Variants in PSD2 observed in about 807,000 individuals in gnomAD.
The protein encoded by PSD2 is PH and SEC7 domain-containing protein 2.
PSD2 carries 38 observed loss-of-function variants against 69.8 expected under a neutral mutation model. The ratio of observed to expected loss-of-function variants is 0.54; its 90% CI spans 0.42 to 0.71. The LOEUF (loss-of-function observed/expected upper bound fraction) is 0.71. Ranked by LOEUF, PSD2 falls within the 30% of genes least tolerant of loss-of-function variation. The probability of loss-of-function intolerance (pLI) is 0.00; values close to 1 mark genes in which losing one functional copy is unlikely to be tolerated. For synonymous variants in PSD2, 412 were observed against 423.0 expected, an observed-to-expected ratio of 0.97 and a Z score of 0.32; for missense variants, 943 against 1,014.5, an observed-to-expected ratio of 0.93 and a Z score of 0.96.
At position 139,813,455 on chromosome 5, in the gene PSD2, G is replaced by A. The variant is rs1384632312; in HGVS notation, c.518G>A (p.Cys173Tyr). ...AGCCTCACGGATGAGAGCGACAGCT[G>A]CGTCAGCTTCGAGGCCCCCCTCACA... ...GLSLTDESDS[C>Y]VSFEAPLTPL... is the part of the protein sequence containing the mutation. Residue 173 changes from cysteine to tyrosine, a missense_variant, in exon 3 of 15, where the codon TGC (cysteine) becomes TAC (tyrosine). This residue lies in a region of PSD2 where 466 missense variants were observed against 445.0 expected (regional missense o/e 1.05). Transcript: ENST00000274710. The A allele has an allele frequency of 6.2e-7, 1 of 1,614,048 alleles. No homozygotes were observed. The highest frequency in any genetic ancestry group is 1.7e-5 in the Admixed American group (1 of 60,026).
the PSD2 span, among the ~76,000 whole-genome samples, chr5:139,784,957 G>A: frequency 1.3e-5 from 2 of 151,850 alleles, no homozygotes; most frequent in Non-Finnish European, 2.9e-5. Context: ...CAGGGTTTTA[G>A]CATGTTGGCC....
the PSD2 span, among the ~76,000 whole-genome samples, chr5:139,748,302 C>A: frequency 6.6e-6 from 1 of 152,038 alleles, no homozygotes; most frequent in Non-Finnish European, 1.5e-5. Context: ...AGAGCCCCAA[C>A]TCTCTTCTCC....
intron 1 of PSD2, among the ~76,000 whole-genome samples, chr5:139,804,059 G>A (rs777727360): frequency 1.3e-5 from 2 of 152,194 alleles, no homozygotes; most frequent in Non-Finnish European, 2.9e-5. Flanking sequence ...TGTGGGCATC[G>A]CTGTTCAGGG....
At chr5:139,834,067 C>T (rs1760656722) in intron 8 of PSD2, among the ~76,000 whole-genome samples, 1 of 152,192 alleles carries the variant, frequency 6.6e-6, no homozygotes. Flanking sequence ...GTCACAGCTG[C>T]CACCCACCAC....
chr5:139,751,882 C>T, the PSD2 span, among the ~76,000 whole-genome samples: 1 of 151,348 alleles, frequency 6.6e-6, no homozygotes, highest in African/African-American at 2.4e-5. Context: ...CAGCCTCAAC[C>T]TTCTAGACTC....
the PSD2 span, among the ~76,000 whole-genome samples, chr5:139,760,504 C>T: frequency 6.6e-6 from 1 of 152,202 alleles, no homozygotes; most frequent in African/African-American, 2.4e-5. Context: ...AAACCTGGCT[C>T]CTGGTGCCAC....
chr5:139,792,437 C>G (rs1022380492), upstream of PSD2, among the ~76,000 whole-genome samples: 1 of 152,150 alleles, frequency 6.6e-6, no homozygotes, highest in African/African-American at 2.4e-5. Flanking sequence ...CCCCTCCCCC[C>G]ATAACTTTCA....
At position 139,814,364 on chromosome 5, in the gene PSD2, A is replaced by G. The variant is rs753960489; in HGVS notation, c.1016A>G (p.Asn339Ser). 5.6e-6 allele frequency: 9 copies of G among 1,596,942 alleles called. No homozygotes were observed. The highest frequency in any genetic ancestry group is 7.7e-6 in the Non-Finnish European group (9 of 1,171,406). Residue 339 changes from asparagine (N) to serine (S), a missense_variant and splice_region_variant, in exon 4 of 15, where the codon AAC (asparagine) becomes AGC (serine). Asn to Ser is a conservative substitution (Grantham distance 46). Coordinates refer to ENST00000274710, the MANE Select transcript of PSD2 (RefSeq NM_032289.4). The surrounding 1 kb of genome is among the most constrained non-coding windows in gnomAD (Gnocchi z 4.4). ...RCDVARQLGK[N>S]NEFSRLVAGE... is the part of the protein sequence containing the mutation. ...GATGTGGCCCGGCAGCTGGGCAAGA[A>G]GTGAGTGTGAGCTCCCCTGCCCCCA...
chr5:139,817,233 C>T lies in PSD2; in HGVS notation c.1017-248C>T, dbSNP rs143308343. Among the ~76,000 whole-genome samples, 463 of 152,336 alleles carry T rather than the reference C, an allele frequency of 3.0e-3. 2 individuals are homozygous for T. The highest frequency in any genetic ancestry group is 0.017 in the Middle Eastern group (5 of 294). On this transcript the variant is annotated intron_variant, in intron 4 of 14. Coordinates refer to ENST00000274710, the MANE Select transcript of PSD2 (RefSeq NM_032289.4). ...TCCCTGGGGACACTGCATCATCCCACCCCTACTCCCTTCGCCTGGTTAGCT... is the reference window on the plus strand; with the variant it reads ...TCCCTGGGGACACTGCATCATCCCATCCCTACTCCCTTCGCCTGGTTAGCT...
chr5:139,789,433 G>T, the PSD2 span, among the ~76,000 whole-genome samples: 3 of 152,306 alleles, frequency 2.0e-5, no homozygotes, highest in African/African-American at 7.2e-5. Flanking sequence ...TTGTTTGTTT[G>T]TGTGTTTCGA....
chr5:139,759,294 C>CCG, the PSD2 span, among the ~76,000 whole-genome samples: 1 of 152,014 alleles, frequency 6.6e-6, no homozygotes, highest in African/African-American at 2.4e-5. Flanking sequence ...TTGCCACCGC[C>CCG]CGCGCGCGCT....
At chr5:139,795,314 C>T (rs1266520454), upstream of PSD2, among the ~76,000 whole-genome samples, 1 of 152,166 alleles carries the variant, frequency 6.6e-6, no homozygotes, top group Non-Finnish European at 1.5e-5. The surrounding 1 kb of genome is among the most constrained non-coding windows in gnomAD (Gnocchi z 4.5). Flanking sequence ...CCTGCTCCTC[C>T]CTTGGCGGCG....
the PSD2 span, among the ~76,000 whole-genome samples, chr5:139,757,133 G>A: frequency 6.6e-6 from 1 of 152,218 alleles, no homozygotes; most frequent in Admixed American, 6.5e-5. Context: ...AGGTCCCCTA[G>A]CCAAGCCATC....
chr5:139,820,772 G>A (rs1760239413), intron 5 of PSD2, among the ~76,000 whole-genome samples: 1 of 152,172 alleles, frequency 6.6e-6, no homozygotes, highest in African/African-American at 2.4e-5. Flanking sequence ...TGTCCTGAAG[G>A]CCTGGCCTGC....
At chr5:139,825,255 G>A (rs76449839) in intron 7 of PSD2, among the ~76,000 whole-genome samples, 13 of 152,322 alleles carry the variant, frequency 8.5e-5, no homozygotes, top group East Asian at 5.8e-4. Flanking sequence ...CTGGATCAGC[G>A]GGAGCCGGCC....
intron 7 of PSD2, among the ~76,000 whole-genome samples, chr5:139,829,271 T>C (rs1760507993): frequency 6.6e-6 from 1 of 152,256 alleles, no homozygotes. Flanking sequence ...GTTACAATGT[T>C]CTATATGTGC....
At chr5:139,743,433 A>T in the PSD2 span, among the ~76,000 whole-genome samples, 7 of 151,990 alleles carry the variant, frequency 4.6e-5, no homozygotes, top group African/African-American at 1.5e-4. Context: ...TGGGGGTGGA[A>T]TGTGTGTTTG....
chr5:139,821,817 T>C, intron 5 of PSD2, 76 bp from the exon 6 acceptor site: 1 of 798,168 alleles, frequency 1.3e-6, no homozygotes, highest in South Asian at 1.7e-5. Flanking sequence ...AGTGGGTGTG[T>C]GCTGTGTGTG....
At chr5:139,753,637 T>C in the PSD2 span, among the ~76,000 whole-genome samples, 2 of 152,164 alleles carry the variant, frequency 1.3e-5, no homozygotes, top group African/African-American at 2.4e-5. Context: ...CATCTTGTGT[T>C]GGATGCTGAT....
Sources: gnomAD v4.1 joint callset for allele counts (sites outside exome capture counted in the v4.1 genomes callset) on GRCh38, gnomAD v4.1.1 for gene constraint, gnomAD v4.1.1 regional missense constraint, Gnocchi (gnomAD v3.1) non-coding constraint, MANE v1.5 for transcripts, NCBI Gene and HGNC (gene_info 2026-07-23, HGNC 2026-07-21) for gene names.